SDK1: variants seen among roughly 807,000 people sequenced by gnomAD.
The protein encoded by SDK1 is protein sidekick-1.
Under a neutral mutation model 245.5 loss-of-function variants are expected in SDK1, and 157 were observed. That is an observed-to-expected ratio of 0.64 (90% CI 0.56 to 0.73). The LOEUF (loss-of-function observed/expected upper bound fraction) is 0.73. Among genes scored for constraint, SDK1 ranks in the 30% least tolerant of loss-of-function variants. The pLI is 0.00. For synonymous variants in SDK1, 1,647 were observed against 1,278.5 expected, an observed-to-expected ratio of 1.29 and a Z score of -6.15; for missense variants, 3,583 against 3,002.3, an observed-to-expected ratio of 1.19 and a Z score of -4.52.
intron 35 of SDK1, among the ~76,000 whole-genome samples, chr7:4,193,372 T>TTATATATATATATATATATATA (rs10536828): frequency 1.8e-4 from 19 of 103,076 alleles, no homozygotes; most frequent in African/African-American, 4.7e-4. Flanking sequence ...ATTAAAATAT[T>TTATATATATATATATATATATA]TATATATATA....
At chr7:3,876,003 A>G (rs1317045507) in intron 5 of SDK1, among the ~76,000 whole-genome samples, 3 of 152,116 alleles carry the variant, frequency 2.0e-5, no homozygotes, top group South Asian at 2.1e-4. Context: ...TGTGGGGGAA[A>G]GTTTTGCTTG....
At chr7:4,205,771 G>C (rs762346596) in intron 35 of SDK1, 108 bp from the exon 36 acceptor site, 1 of 884,700 alleles carries the variant, frequency 1.1e-6, no homozygotes, top group Admixed American at 2.1e-5. Context: ...CTCTCACATG[G>C]TTCCCAGCGG....
intron 4 of SDK1, among the ~76,000 whole-genome samples, chr7:3,661,047 C>T (rs1216618505): frequency 6.6e-6 from 1 of 152,142 alleles, no homozygotes; most frequent in Non-Finnish European, 1.5e-5. Context: ...TGTTCATGGT[C>T]ATTTCAACAC....
At position 3,704,594 on chromosome 7, in the gene SDK1, T is replaced by C. The variant is rs77388649; in HGVS notation, c.713+62489T>C. 5.9e-5 allele frequency among the ~76,000 whole-genome samples: 9 copies of C among 152,314 alleles called. No individual in the cohort carries two copies. In the East Asian group the frequency reaches 7.7e-4, roughly 13 times the overall value. On this transcript the variant is annotated intron_variant, in intron 4 of 44. Transcript: ENST00000404826. ...TTGTGTTTTCTGGATATCAGTGCTT[T>C]GCTGGATTCATAGTTTGCAAATACT...
intron 5 of SDK1, among the ~76,000 whole-genome samples, chr7:3,829,706 G>A (rs1779867689): frequency 6.6e-6 from 1 of 152,190 alleles, no homozygotes; most frequent in Non-Finnish European, 1.5e-5. Context: ...CAGCAGGAAG[G>A]CTCTCTGCGA....
intron 5 of SDK1, among the ~76,000 whole-genome samples, chr7:3,881,776 C>T (rs939648651): frequency 6.6e-6 from 1 of 152,164 alleles, no homozygotes; most frequent in East Asian, 1.9e-4. Context: ...CAGAATGGTT[C>T]CTATAAATGG....
At chr7:4,127,312 G>A in intron 25 of SDK1, 69 bp from the exon 26 acceptor site, 4 of 1,186,788 alleles carry the variant, frequency 3.4e-6, no homozygotes, top group Non-Finnish European at 5.0e-6. Context: ...TTATTTGGGT[G>A]AAAGCTGGAT....
Position 4,207,452 on chromosome 7 carries a change from A to G in SDK1, c.5215-647A>G, listed in dbSNP as rs532922454. Among the ~76,000 whole-genome samples the G allele has an allele frequency of 4.0e-4, 61 of 152,360 alleles. 2 individuals are homozygous for G. Among genetic ancestry groups the G allele is most frequent in the African/African-American group, 1.4e-3 (60 of 41,596 alleles). On this transcript the variant is annotated intron_variant, in intron 36 of 44. Transcript: ENST00000404826. ...GGGCGTCAAGTTCAACTACAAGCAC[A>G]TAAAAGCTAGACAAGAGGAAATGGC...
rs199608736 is a variant in SDK1, at chr7:4,208,202, A to C, written c.5318A>C (p.Lys1773Thr). Residue 1773 changes from lysine (K) to threonine (T), a missense_variant, in exon 37 of 45, where the codon AAG (lysine) becomes ACG (threonine). Transcript: ENST00000404826. Reference sequence around the variant, plus strand: ...CTGAAGAACCTGACCAGCCATACCAAGTACCTGGTCAGCATATCAGCCTTC... The same window carrying C: ...CTGAAGAACCTGACCAGCCATACCACGTACCTGGTCAGCATATCAGCCTTC... ...VRLKNLTSHT[K>T]YLVSISAFNA... The C allele has an allele frequency of 3.7e-6, 6 of 1,614,088 alleles. No individual in the cohort carries two copies. The African/African-American group carries it at 8.0e-5, about 22-fold the overall frequency.
chr7:3,670,036 T>C (rs1421802577), intron 4 of SDK1, among the ~76,000 whole-genome samples: 1 of 152,222 alleles, frequency 6.6e-6, no homozygotes, highest in Non-Finnish European at 1.5e-5. Flanking sequence ...TACCACATGT[T>C]ATCCCACAAA....
At chr7:4,142,337 G>GT (rs1335073361) in intron 28 of SDK1, among the ~76,000 whole-genome samples, 1 of 151,914 alleles carries the variant, frequency 6.6e-6, no homozygotes, top group Non-Finnish European at 1.5e-5. Context: ...TTTGTTTTCT[G>GT]TTTTTGCTGG....
intron 4 of SDK1, among the ~76,000 whole-genome samples, chr7:3,642,578 C>T (rs977953559): frequency 6.6e-6 from 1 of 152,122 alleles, no homozygotes; most frequent in African/African-American, 2.4e-5. Flanking sequence ...TCCTTTTATC[C>T]TACCATGACA....
chr7:4,188,528 TTG>T (rs1783015584), intron 35 of SDK1, among the ~76,000 whole-genome samples: 1 of 152,148 alleles, frequency 6.6e-6, no homozygotes, highest in African/African-American at 2.4e-5. Context: ...GGCAAATACT[TTG>T]TCTTTAATTT....
chr7:3,910,383 C>A (rs1030049060), intron 5 of SDK1, among the ~76,000 whole-genome samples: 5 of 152,158 alleles, frequency 3.3e-5, no homozygotes, highest in African/African-American at 9.7e-5. Context: ...GGAGAATTTG[C>A]ATGTGTAGGG....
intron 1 of SDK1, among the ~76,000 whole-genome samples, chr7:3,316,505 TC>T (rs1211834513): frequency 6.6e-6 from 1 of 152,214 alleles, no homozygotes; most frequent in Non-Finnish European, 1.5e-5. Context: ...TTAGAGCTTA[TC>T]CCCATCATTA....
rs1260953498 is a variant in SDK1 at position 3,967,379 on chromosome 7, C to G, written c.1491C>G (p.Ala497=). The change falls in exon 10 of 45, where the codon GCC becomes GCG. Residue 497 remains alanine (A), a synonymous_variant. Transcript: ENST00000404826. ...VDTTVTDGMT[A]ILRCEVSGAP... ...CCACAGTTACTGACGGGATGACAGC[C>G]ATTCTAAGGTGTGAGGTGTCCGGGG... 1 of 1,614,044 alleles carries G rather than the reference C, an allele frequency of 6.2e-7. No individual in the cohort carries two copies. Among genetic ancestry groups the G allele is most frequent in the Non-Finnish European group, 8.5e-7 (1 of 1,180,026 alleles).
At chr7:4,160,357 C>T (rs1781036870) in intron 31 of SDK1, among the ~76,000 whole-genome samples, 1 of 152,140 alleles carries the variant, frequency 6.6e-6, no homozygotes, top group Admixed American at 6.5e-5. Flanking sequence ...AGGGCAGCAT[C>T]CAAAAGGACC....
intron 4 of SDK1, among the ~76,000 whole-genome samples, chr7:3,763,653 A>G (rs929023999): frequency 7.2e-5 from 11 of 152,224 alleles, no homozygotes; most frequent in Admixed American, 2.0e-4. Context: ...AACATAAAAC[A>G]CATATTTTTA....
chr7:3,622,010 G>A (rs1414815381), intron 2 of SDK1, among the ~76,000 whole-genome samples: 2 of 152,130 alleles, frequency 1.3e-5, no homozygotes, highest in Non-Finnish European at 2.9e-5. Context: ...GGATGATTTT[G>A]CCCATTTGTA....
Sources: gnomAD v4.1 joint callset for allele counts (sites outside exome capture counted in the v4.1 genomes callset) on GRCh38, gnomAD v4.1.1 for gene constraint, MANE v1.5 for transcripts, NCBI Gene and HGNC (gene_info 2026-07-23, HGNC 2026-07-21) for gene names.